ME3: variants seen among roughly 807,000 people sequenced by gnomAD.
ME3 encodes NADP-dependent malic enzyme, mitochondrial.
In ME3, 48 loss-of-function variants were observed where a neutral mutation model predicts 68.9. That is an observed-to-expected ratio of 0.70 (90% CI 0.55 to 0.89). The LOEUF (loss-of-function observed/expected upper bound fraction) is 0.89. ME3 is among the 40% of genes least tolerant of loss of function. ME3 has a pLI of 0.00. For missense variants in ME3, 675 were observed against 797.4 expected (o/e 0.85, Z 1.85); for synonymous variants, 320 against 318.8 (o/e 1.00, Z -0.04).
chr11:86,581,918 A>G (rs903878069), intron 2 of ME3, among the ~76,000 whole-genome samples: 1 of 152,190 alleles, frequency 6.6e-6, no homozygotes, highest in African/African-American at 2.4e-5. Context: ...TCTTTCCAAT[A>G]TTGAAATCAC....
chr11:86,506,457 G>T (rs1388941965), intron 5 of ME3, among the ~76,000 whole-genome samples: 2 of 152,118 alleles, frequency 1.3e-5, no homozygotes, highest in Non-Finnish European at 2.9e-5. Flanking sequence ...TCACAGCAAG[G>T]CCCTTGATAC....
chr11:86,560,551 G>A (rs1000218982), intron 2 of ME3, among the ~76,000 whole-genome samples: 1 of 151,694 alleles, frequency 6.6e-6, no homozygotes, highest in Non-Finnish European at 1.5e-5. Context: ...CCAGTGTCCC[G>A]ATTATTAACA....
intron 2 of ME3, among the ~76,000 whole-genome samples, chr11:86,637,891 G>C (rs1295439664): frequency 6.6e-6 from 1 of 151,780 alleles, no homozygotes; most frequent in East Asian, 1.9e-4. Flanking sequence ...ACAGGGCACA[G>C]GCTTGATATG....
At chr11:86,543,895 A>G (rs1012946815) in intron 4 of ME3, among the ~76,000 whole-genome samples, 5 of 151,922 alleles carry the variant, frequency 3.3e-5, no homozygotes, top group Non-Finnish European at 4.4e-5. Flanking sequence ...AATCAACCAC[A>G]TAATTGGAAG....
intron 2 of ME3, among the ~76,000 whole-genome samples, chr11:86,574,168 A>G (rs1957955312): frequency 6.6e-6 from 1 of 152,118 alleles, no homozygotes; most frequent in South Asian, 2.1e-4. Flanking sequence ...CTTTAGCTCA[A>G]AGGAGTTTGT....
At chr11:86,598,612 T>C (rs653313) in intron 2 of ME3, among the ~76,000 whole-genome samples, 151,533 of 152,296 alleles carry the variant, frequency 0.99, 75,394 homozygotes, top group Non-Finnish European at 1. Context: ...TCTCCCAGCA[T>C]GCAGCTGGAG....
intron 3 of ME3, among the ~76,000 whole-genome samples, chr11:86,559,099 A>T (rs1957071678): frequency 1.3e-5 from 2 of 152,208 alleles, no homozygotes; most frequent in African/African-American, 4.8e-5. Context: ...AAGCTGATAA[A>T]GTTGACCCTG....
chr11:86,644,210 C>A (rs1944855626), intron 2 of ME3, among the ~76,000 whole-genome samples: 1 of 152,080 alleles, frequency 6.6e-6, no homozygotes, highest in South Asian at 2.1e-4. Context: ...ACCGCTCCTG[C>A]CTCTCCGTGA....
chr11:86,448,122 G>C, intron 11 of ME3, 28 bp downstream of exon 11: 1 of 1,493,272 alleles, frequency 6.7e-7, no homozygotes, highest in Non-Finnish European at 9.3e-7. Flanking sequence ...TAGCTGGGCT[G>C]GGTAGTGGGT....
intron 4 of ME3, among the ~76,000 whole-genome samples, chr11:86,518,341 G>T (rs1043246454): frequency 6.6e-6 from 1 of 152,124 alleles, no homozygotes; most frequent in Non-Finnish European, 1.5e-5. Context: ...TATCATGAGA[G>T]ACTTGGAAAT....
intron 2 of ME3, among the ~76,000 whole-genome samples, chr11:86,607,335 G>C (rs1961827358): frequency 6.6e-6 from 1 of 151,928 alleles, no homozygotes; most frequent in African/African-American, 2.4e-5. Flanking sequence ...ATGTTCTCAG[G>C]CATGCAAAAT....
chr11:86,627,011 G>C (rs1023555001), intron 2 of ME3, among the ~76,000 whole-genome samples: 10 of 152,334 alleles, frequency 6.6e-5, no homozygotes, highest in African/African-American at 2.4e-4. Flanking sequence ...TAGAGGTGGA[G>C]AGAGGGAGAA....
intron 7 of ME3, among the ~76,000 whole-genome samples, chr11:86,475,874 T>G (rs4944585): frequency 0.57 from 52,384 of 91,650 alleles, 15,042 homozygotes; most frequent in Non-Finnish European, 0.6. Flanking sequence ...TATATATATA[T>G]AGAGAGAGAG....
At chr11:86,600,299 A>G (rs572015806) in intron 2 of ME3, among the ~76,000 whole-genome samples, 52 of 152,332 alleles carry the variant, frequency 3.4e-4, no homozygotes, top group African/African-American at 1.3e-3. Context: ...AGGGGTTGCA[A>G]TCCTAGTCTC....
chr11:86,573,481 G>T (rs930049595), intron 2 of ME3, among the ~76,000 whole-genome samples: 1 of 139,422 alleles, frequency 7.2e-6, no homozygotes, highest in Admixed American at 7.3e-5. Flanking sequence ...CATTGATTTT[G>T]TATCCTGAGA....
At chr11:86,560,726 ATGTGTGTGTGTGTG>A (rs763026313) in intron 2 of ME3, among the ~76,000 whole-genome samples, 2 of 106,064 alleles carry the variant, frequency 1.9e-5, no homozygotes, top group African/African-American at 3.9e-5. Context: ...GTGTGTGTGT[ATGTGTGTGTGTGTG>A]TGTGTGTGTA....
intron 7 of ME3, among the ~76,000 whole-genome samples, chr11:86,478,405 T>C (rs1951205443): frequency 2.0e-5 from 3 of 150,908 alleles, no homozygotes; most frequent in African/African-American, 4.9e-5. Flanking sequence ...CAGTGCATGA[T>C]TAATTAATTA....
At chr11:86,546,038 A>C (rs1956340282) in intron 4 of ME3, among the ~76,000 whole-genome samples, 1 of 152,342 alleles carries the variant, frequency 6.6e-6, no homozygotes, top group South Asian at 2.1e-4. Context: ...GATCTTTGAC[A>C]AACCTGACAA....
chr11:86,605,019 C>A (rs897922820), intron 2 of ME3, among the ~76,000 whole-genome samples: 1 of 152,138 alleles, frequency 6.6e-6, no homozygotes, highest in Non-Finnish European at 1.5e-5. Context: ...CTCCTATTCC[C>A]TAAGCTCTGA....
Sources: allele counts gnomAD v4.1 joint callset (sites outside exome capture counted in the v4.1 genomes callset), GRCh38; gene constraint gnomAD v4.1.1; transcripts MANE v1.5; gene names NCBI Gene and HGNC (gene_info 2026-07-23, HGNC 2026-07-21).